SGCD: variants seen among roughly 807,000 people sequenced by gnomAD.
SGCD encodes sarcoglycan delta.
SGCD carries 18 observed loss-of-function variants against 36.6 expected under a neutral mutation model. That is an observed-to-expected ratio of 0.49 (90% CI 0.34 to 0.73). SGCD has a LOEUF of 0.73. SGCD is among the 30% of genes least tolerant of loss of function. The pLI, the probability that SGCD is intolerant of heterozygous loss-of-function variation, is 0.01. For missense variants in SGCD, 387 were observed against 346.7 expected (o/e 1.12, Z -0.92); for synonymous variants, 133 against 130.6 (o/e 1.02, Z -0.12).
intron 3 of SGCD, among the ~76,000 whole-genome samples, chr5:156,463,207 T>G (rs1247381670): frequency 3.3e-5 from 5 of 152,054 alleles, no homozygotes; most frequent in Non-Finnish European, 7.4e-5. Context: ...GTCTGGCTAA[T>G]TTTTTGTATT....
In SGCD at chr5:156,610,935, C is replaced by T. The variant is rs141248424; in HGVS notation, c.502+15884C>T. 6.9e-3 allele frequency among the ~76,000 whole-genome samples: 1,050 copies of T among 152,350 alleles called. 6 individuals are homozygous for T. Among genetic ancestry groups the T allele is most frequent in the Non-Finnish European group, 0.011 (724 of 68,026 alleles). ...GAGTGACCTGATTTTCCAGTTGCTG[C>T]CTGTCACCCCTTTCTTTGACTAGGA... On this transcript the variant is annotated intron_variant, in intron 6 of 8. Transcript: ENST00000337851.
chr5:156,672,604 T>G lies in SGCD; in HGVS notation c.575+25068T>G, dbSNP rs1753340768. Among the ~76,000 whole-genome samples, 3 of 152,360 alleles carry G rather than the reference T, an allele frequency of 2.0e-5. No individual in the cohort carries two copies. In the South Asian group the frequency reaches 6.2e-4, roughly 32 times the overall value. ...GCCAAGGAAATTACTATTTGTTGCT[T>G]GCTTTTCAACTTCCAAAGCATTGTT... On this transcript the variant is annotated intron_variant, in intron 7 of 8. Coordinates refer to ENST00000337851, the MANE Select transcript of SGCD (RefSeq NM_000337.6).
intron 2 of SGCD, among the ~76,000 whole-genome samples, chr5:156,341,504 G>A (rs1189634677): frequency 6.6e-6 from 1 of 151,988 alleles, no homozygotes; most frequent in Non-Finnish European, 1.5e-5. Flanking sequence ...TTCTGAAAAT[G>A]GAGCTCAAAA....
At chr5:156,590,266 T>C (rs1182862852) in intron 5 of SGCD, among the ~76,000 whole-genome samples, 1 of 152,146 alleles carries the variant, frequency 6.6e-6, no homozygotes, top group African/African-American at 2.4e-5. Flanking sequence ...TTTGTGACCA[T>C]AGTCTTCACT....
intron 3 of SGCD, among the ~76,000 whole-genome samples, chr5:156,300,033 G>A (rs1176366219): frequency 6.6e-6 from 1 of 151,812 alleles, no homozygotes; most frequent in African/African-American, 2.4e-5. Flanking sequence ...AAGGCTTTCA[G>A]TTTTTTCCCC....
chr5:156,031,664 T>C (rs1759350320), intron 1 of SGCD, among the ~76,000 whole-genome samples: 1 of 152,244 alleles, frequency 6.6e-6, no homozygotes, highest in African/African-American at 2.4e-5. Flanking sequence ...TAATAATAGC[T>C]AAGATTTATC....
Position 156,763,594 on chromosome 5 carries a change from AC to A in SGCD, c.*4205del. On this transcript the variant is annotated 3_prime_UTR_variant, in exon 9 of 9. Coordinates refer to ENST00000337851, the MANE Select transcript of SGCD (RefSeq NM_000337.6). ...AAAAACTATAACAACAACAACAAAA[AC>A]ATATTTTGAAAAGACATATTCTGAC... 2 of 152,222 alleles carry A rather than the reference AC, an allele frequency of 1.3e-5. No homozygotes were observed. The highest frequency in any genetic ancestry group is 3.9e-4 in the East Asian group (2 of 5,186). 9.4% of individuals were successfully genotyped at this position (152,222 alleles called of 1,614,324 possible).
At chr5:155,762,674 C>T in the SGCD span, among the ~76,000 whole-genome samples, 1 of 152,166 alleles carries the variant, frequency 6.6e-6, no homozygotes, top group Admixed American at 6.5e-5. Flanking sequence ...GCTGGACCAG[C>T]TGGGACTCTG....
intron 3 of SGCD, among the ~76,000 whole-genome samples, chr5:156,287,659 G>GTA (rs1766645754): frequency 6.6e-6 from 1 of 150,996 alleles, no homozygotes. Context: ...GTGTGTGTGT[G>GTA]TGTATGTGTG....
At chr5:156,266,936 A>G (rs1766012863) in intron 3 of SGCD, among the ~76,000 whole-genome samples, 1 of 152,200 alleles carries the variant, frequency 6.6e-6, no homozygotes, top group Non-Finnish European at 1.5e-5. Context: ...AAAAATTGAA[A>G]GAAAAAAAAT....
chr5:156,604,142 C>T (rs1342376452), intron 6 of SGCD, among the ~76,000 whole-genome samples: 1 of 151,926 alleles, frequency 6.6e-6, no homozygotes, highest in Non-Finnish European at 1.5e-5. Context: ...TATCACTATA[C>T]AATGACCTTC....
intron 3 of SGCD, among the ~76,000 whole-genome samples, chr5:156,126,850 G>A (rs193030294): frequency 1.2e-4 from 18 of 152,310 alleles, no homozygotes; most frequent in African/African-American, 4.1e-4. Flanking sequence ...AGCAGCATCA[G>A]CATCATCTGA....
chr5:156,297,830 C>T (rs1318387706), intron 3 of SGCD, among the ~76,000 whole-genome samples: 1 of 146,624 alleles, frequency 6.8e-6, no homozygotes, highest in African/African-American at 2.5e-5. Context: ...AAATAAATTG[C>T]TGACTATAGT....
At chr5:156,272,039 G>T in intron 3 of SGCD, among the ~76,000 whole-genome samples, 1 of 151,732 alleles carries the variant, frequency 6.6e-6, no homozygotes. Context: ...CAATAGTTTT[G>T]GGATACAGGT....
chr5:156,073,196 C>G (rs184960127), intron 1 of SGCD, among the ~76,000 whole-genome samples: 2 of 152,076 alleles, frequency 1.3e-5, no homozygotes, highest in Admixed American at 6.6e-5. Flanking sequence ...AAAAATGACA[C>G]GACGGAGTAG....
chr5:156,256,255 G>C (rs920575482), intron 3 of SGCD, among the ~76,000 whole-genome samples: 1 of 152,130 alleles, frequency 6.6e-6, no homozygotes, highest in Non-Finnish European at 1.5e-5. Context: ...CACTTGAATT[G>C]AGTTTTGAGA....
At chr5:156,503,248 C>T (rs145728238) in intron 3 of SGCD, among the ~76,000 whole-genome samples, 84 of 152,192 alleles carry the variant, frequency 5.5e-4, no homozygotes, top group African/African-American at 2.0e-3. Context: ...TTTAGAGGGG[C>T]CTTCTCTTTT....
chr5:156,553,305 C>T (rs570857729), intron 4 of SGCD, among the ~76,000 whole-genome samples: 1 of 152,172 alleles, frequency 6.6e-6, no homozygotes. Context: ...ACATTCAAAC[C>T]ATAGCAGGTA....
intron 1 of SGCD, among the ~76,000 whole-genome samples, chr5:156,008,760 T>A (rs1468003265): frequency 1.3e-5 from 2 of 152,196 alleles, no homozygotes; most frequent in African/African-American, 4.8e-5. Flanking sequence ...ATTAATTACA[T>A]CTACAGAAAC....
Sources: allele counts gnomAD v4.1 joint callset (sites outside exome capture counted in the v4.1 genomes callset), GRCh38; gene constraint gnomAD v4.1.1; transcripts MANE v1.5; gene names NCBI Gene and HGNC (gene_info 2026-07-23, HGNC 2026-07-21).